The following KALRN variants were observed in gnomAD, a reference collection of about 807,000 sequenced individuals.
The protein encoded by KALRN is kalirin.
In KALRN, 70 loss-of-function variants were observed where a neutral mutation model predicts 353.7. That is an observed-to-expected ratio of 0.20 (90% confidence interval 0.16 to 0.24). KALRN has a LOEUF of 0.24. Ranked by LOEUF, KALRN falls within the 10% of genes least tolerant of loss-of-function variation. The probability of loss-of-function intolerance (pLI) is 1.00; values close to 1 mark genes in which losing one functional copy is unlikely to be tolerated. For synonymous variants in KALRN, 1,391 were observed against 1,434.8 expected (o/e 0.97, Z 0.69); for missense variants, 2,791 against 3,756.7 (o/e 0.74, Z 6.72).
intron 34 of KALRN, among the ~76,000 whole-genome samples, chr3:124,620,365 A>G (rs2079133839): frequency 6.6e-6 from 1 of 152,156 alleles, no homozygotes; most frequent in African/African-American, 2.4e-5. Flanking sequence ...TAGCCTTCTA[A>G]AGTGCTGGGA....
intron 33 of KALRN, among the ~76,000 whole-genome samples, chr3:124,550,548 T>C (rs1009540979): frequency 5.3e-5 from 8 of 152,176 alleles, no homozygotes; most frequent in African/African-American, 1.9e-4. Context: ...AGTATGAGTC[T>C]CTTTGGGACC....
chr3:124,284,946 C>T (rs1423505006), intron 5 of KALRN, among the ~76,000 whole-genome samples: 1 of 152,172 alleles, frequency 6.6e-6, no homozygotes, highest in Non-Finnish European at 1.5e-5. Context: ...CCGAGAACTT[C>T]CTTGCAAGGC....
chr3:124,470,412 A>G (rs1279284811), intron 25 of KALRN, among the ~76,000 whole-genome samples: 1 of 152,232 alleles, frequency 6.6e-6, no homozygotes, highest in African/African-American at 2.4e-5. Context: ...ATAAGCTTCC[A>G]ATTAAGAAGT....
intron 11 of KALRN, among the ~76,000 whole-genome samples, chr3:124,386,435 G>C (rs1403893454): frequency 6.6e-6 from 1 of 152,142 alleles, no homozygotes; most frequent in Non-Finnish European, 1.5e-5. Context: ...GTGGACCGGG[G>C]TCAGTTTCCA....
chr3:124,228,121 CAT>C lies in KALRN; in HGVS notation c.148+58_148+59del, dbSNP rs1187171683. The C allele has an allele frequency of 1.4e-5, 19 of 1,344,892 alleles. No homozygotes were observed. In the East Asian group the frequency reaches 4.2e-4, roughly 29 times the overall value. 83.3% of individuals were successfully genotyped at this position (1,344,892 alleles called of 1,614,324 possible). ...GACCTAGAGAAGTTGTGTGTGTGCA[CAT>C]GTGTTCAGATTCACTTGTGTGTTAG... On this transcript the variant is annotated intron_variant, in intron 2 of 59. Transcript: ENST00000682506.
At chr3:124,498,724 A>C (rs1431876054) in intron 33 of KALRN, among the ~76,000 whole-genome samples, 1 of 152,212 alleles carries the variant, frequency 6.6e-6, no homozygotes, top group Non-Finnish European at 1.5e-5. Context: ...AGATCAGTCT[A>C]GTACTATGCA....
intron 15 of KALRN, among the ~76,000 whole-genome samples, chr3:124,428,504 A>C (rs1339323446): frequency 6.6e-6 from 1 of 152,182 alleles, no homozygotes; most frequent in Non-Finnish European, 1.5e-5. Flanking sequence ...GTAAGTAAAA[A>C]AGCCAGATTT....
intron 15 of KALRN, among the ~76,000 whole-genome samples, chr3:124,424,021 C>T (rs1175414242): frequency 6.6e-6 from 1 of 152,280 alleles, no homozygotes; most frequent in East Asian, 1.9e-4. Context: ...TTACACACAT[C>T]TTCATCAATC....
At chr3:124,651,318 A>T (rs1578668188) in intron 38 of KALRN, among the ~76,000 whole-genome samples, 1 of 152,210 alleles carries the variant, frequency 6.6e-6, no homozygotes, top group East Asian at 1.9e-4. Context: ...TCACCTAAGA[A>T]AACATTTCCC....
intron 45 of KALRN, among the ~76,000 whole-genome samples, chr3:124,664,368 T>TGCGCGCGCGC (rs1347109561): frequency 2.2e-4 from 29 of 132,192 alleles, no homozygotes; most frequent in East Asian, 1.2e-3. Context: ...TGTGTGTGTG[T>TGCGCGCGCGC]GTGCGCGCGC....
chr3:124,618,698 C>T (rs2078936505), intron 34 of KALRN, among the ~76,000 whole-genome samples: 1 of 152,088 alleles, frequency 6.6e-6, no homozygotes, highest in East Asian at 1.9e-4. Context: ...AGGAGTGGCC[C>T]TGATTTATGG....
chr3:124,259,007 A>C (rs567773805), intron 3 of KALRN, among the ~76,000 whole-genome samples: 2 of 152,256 alleles, frequency 1.3e-5, no homozygotes, highest in Admixed American at 1.3e-4. Context: ...GTTTAATATG[A>C]CAGGGATTTG....
chr3:124,605,301 TGGCTCATG>T (rs2077220329), intron 34 of KALRN, among the ~76,000 whole-genome samples: 1 of 151,710 alleles, frequency 6.6e-6, no homozygotes, highest in Non-Finnish European at 1.5e-5. Flanking sequence ...CTGGATGCAG[TGGCTCATG>T]CCTGTAATCC....
chr3:124,197,085 G>A (rs1447403930), intron 1 of KALRN, among the ~76,000 whole-genome samples: 2 of 152,068 alleles, frequency 1.3e-5, no homozygotes, highest in Non-Finnish European at 2.9e-5. Flanking sequence ...CTTAGTGTTG[G>A]ACATTTTGGA....
At chr3:124,615,818 G>T (rs1351266584) in intron 34 of KALRN, among the ~76,000 whole-genome samples, 1 of 152,158 alleles carries the variant, frequency 6.6e-6, no homozygotes, top group African/African-American at 2.4e-5. Flanking sequence ...TTTGCGGGAA[G>T]AGCACAGACT....
intron 3 of KALRN, among the ~76,000 whole-genome samples, chr3:124,252,797 C>T (rs139620571): frequency 3.0e-4 from 46 of 152,280 alleles, no homozygotes; most frequent in Admixed American, 2.9e-3. Context: ...CATGACCCAG[C>T]GGAGAGAGCG....
chr3:124,477,213 T>C (rs2061511028), intron 26 of KALRN, 32 bp from the exon 27 acceptor site: 1 of 1,485,264 alleles, frequency 6.7e-7, no homozygotes, highest in African/African-American at 1.4e-5. Context: ...AACTAATGAA[T>C]GCTTATCTAT....
At chr3:124,086,692 T>G (rs1235937418) in intron 1 of KALRN, among the ~76,000 whole-genome samples, 1 of 152,182 alleles carries the variant, frequency 6.6e-6, no homozygotes, top group Non-Finnish European at 1.5e-5. Flanking sequence ...ACTTAAAATA[T>G]ATGAAAATAT....
At chr3:124,614,768 C>T (rs2078384894) in intron 34 of KALRN, among the ~76,000 whole-genome samples, 1 of 152,056 alleles carries the variant, frequency 6.6e-6, no homozygotes, top group African/African-American at 2.4e-5. Context: ...GACAGGGTCT[C>T]ACTATGTTTC....
Sources: allele counts gnomAD v4.1 joint callset (sites outside exome capture counted in the v4.1 genomes callset), GRCh38; gene constraint gnomAD v4.1.1; transcripts MANE v1.5; gene names NCBI Gene and HGNC (gene_info 2026-07-23, HGNC 2026-07-21).